Variants in LRRC8D observed in about 807,000 individuals in gnomAD.
LRRC8D encodes the protein leucine rich repeat containing 8 VRAC subunit D, also known as volume-regulated anion channel subunit LRRC8D.
LRRC8D carries 20 observed loss-of-function variants against 55.8 expected under a neutral mutation model. The observed-to-expected ratio is 0.36, with a 90% CI of 0.25 to 0.52. The LOEUF (loss-of-function observed/expected upper bound fraction) is 0.52. Ranked by LOEUF, LRRC8D falls within the 20% of genes least tolerant of loss-of-function variation. LRRC8D has a pLI of 0.93. For missense variants in LRRC8D, 651 were observed against 1,030.8 expected (o/e 0.63, Z 5.05); for synonymous variants, 352 against 377.0 (o/e 0.93, Z 0.77).
chr1:89,895,638 A>G (rs1229988566), intron 2 of LRRC8D, among the ~76,000 whole-genome samples: 3 of 152,222 alleles, frequency 2.0e-5, no homozygotes, highest in East Asian at 3.8e-4. Context: ...CTATTCATAT[A>G]TAATATTTCA....
intron 2 of LRRC8D, among the ~76,000 whole-genome samples, chr1:89,848,023 A>G (rs1039302770): frequency 6.6e-6 from 1 of 152,218 alleles, no homozygotes; most frequent in South Asian, 2.1e-4. Context: ...TGAAAAATGC[A>G]TAATATGTTA....
intron 2 of LRRC8D, among the ~76,000 whole-genome samples, chr1:89,896,570 G>A (rs2100896251): frequency 6.6e-6 from 1 of 152,188 alleles, no homozygotes; most frequent in South Asian, 2.1e-4. Flanking sequence ...CCGAGGGTAG[G>A]GCAAGCTCCT....
At position 89,933,414 on chromosome 1, in the gene LRRC8D, C is replaced by T; in HGVS notation, c.346C>T (p.Pro116Ser). ...TPDIPLRATY[P>S]RTDFALPNQE... The stretch of plus-strand genomic sequence containing the variant: ...TGACATACCTCTCAGAGCCACATAT[C>T]CTCGCACAGATTTCGCACTTCCAAA... Residue 116 changes from proline to serine, a missense_variant, in exon 3 of 3, where the codon CCT (proline) becomes TCT (serine). Coordinates refer to ENST00000337338, the MANE Select transcript of LRRC8D (RefSeq NM_001134479.2). This position sits in a 1 kb window ranked among gnomAD's most constrained non-coding sequence, Gnocchi z 7.0. 2 of 1,614,120 alleles carry T rather than the reference C, an allele frequency of 1.2e-6. No homozygotes were observed. The highest frequency in any genetic ancestry group is 8.5e-7 in the Non-Finnish European group (1 of 1,180,032).
intron 2 of LRRC8D, among the ~76,000 whole-genome samples, chr1:89,931,510 CA>C (rs1663704670): frequency 6.6e-6 from 1 of 152,106 alleles, no homozygotes; most frequent in South Asian, 2.1e-4. Flanking sequence ...CCTGTAATCC[CA>C]GCACTTTGGG....
intron 2 of LRRC8D, among the ~76,000 whole-genome samples, chr1:89,889,158 G>A (rs1295834408): frequency 6.6e-6 from 1 of 152,088 alleles, no homozygotes; most frequent in East Asian, 1.9e-4. Flanking sequence ...GATGAGAATG[G>A]CACTTTACTT....
chr1:89,826,413 C>A (rs952577875), intron 1 of LRRC8D, among the ~76,000 whole-genome samples: 2 of 152,024 alleles, frequency 1.3e-5, no homozygotes, highest in African/African-American at 2.4e-5. Flanking sequence ...TACAGGCACC[C>A]GCCACTGCAC....
At chr1:89,930,076 C>G (rs1026006818) in intron 2 of LRRC8D, among the ~76,000 whole-genome samples, 1 of 152,196 alleles carries the variant, frequency 6.6e-6, no homozygotes, top group South Asian at 2.1e-4. Context: ...CCATCTCTCC[C>G]CCCAACCCCC....
At chr1:89,892,676 G>A (rs181541714) in intron 2 of LRRC8D, among the ~76,000 whole-genome samples, 563 of 152,140 alleles carry the variant, frequency 3.7e-3, no homozygotes, top group Non-Finnish European at 6.9e-3. Flanking sequence ...CCGCCAACAC[G>A]CCCAGCTAAT....
At chr1:89,899,284 G>T (rs544943165) in intron 2 of LRRC8D, among the ~76,000 whole-genome samples, 1 of 152,328 alleles carries the variant, frequency 6.6e-6, no homozygotes, top group African/African-American at 2.4e-5. Flanking sequence ...GTGCCAGAGG[G>T]TCATGGAGGG....
intron 2 of LRRC8D, among the ~76,000 whole-genome samples, chr1:89,844,120 G>T (rs1194278472): frequency 6.6e-6 from 1 of 152,222 alleles, no homozygotes; most frequent in African/African-American, 2.4e-5. Context: ...TCCAGCTGCT[G>T]CTGCCTGAAG....
At chr1:89,859,214 G>A (rs116708988) in intron 2 of LRRC8D, among the ~76,000 whole-genome samples, 2,049 of 151,582 alleles carry the variant, frequency 0.014, 47 homozygotes, top group African/African-American at 0.047. Context: ...TTCGGTAAAT[G>A]TAGGGAGTAA....
Position 89,935,537 on chromosome 1 carries a change from C to T in LRRC8D, c.2469C>T (p.Leu823=). ...LPAQLGQCRM[L]KKSGLVVEDH... ...CCCAGCTGGGCCAGTGTCGGATGCT[C>T]AAGAAAAGCGGGCTTGTTGTGGAAG... is the stretch of plus-strand genomic sequence containing the variant. Residue 823 remains leucine (L), a synonymous_variant, in exon 3 of 3, where the codon CTC becomes CTT. Coordinates refer to ENST00000337338, the MANE Select transcript of LRRC8D (RefSeq NM_001134479.2). 2.5e-6 allele frequency: 4 copies of T among 1,614,194 alleles called. No homozygotes were observed. The highest frequency in any genetic ancestry group is 3.4e-6 in the Non-Finnish European group (4 of 1,180,052).
intron 2 of LRRC8D, among the ~76,000 whole-genome samples, chr1:89,847,302 A>G (rs1468417322): frequency 1.3e-5 from 2 of 152,232 alleles, no homozygotes; most frequent in African/African-American, 4.8e-5. Context: ...GAATATTTGT[A>G]GTGGCCTATA....
chr1:89,834,608 A>G (rs746181744), intron 1 of LRRC8D, among the ~76,000 whole-genome samples: 1 of 152,260 alleles, frequency 6.6e-6, no homozygotes, highest in Admixed American at 6.5e-5. Flanking sequence ...TAAACAGTTT[A>G]GTATAATTCA....
intron 1 of LRRC8D, among the ~76,000 whole-genome samples, chr1:89,837,768 G>A (rs547886617): frequency 1.8e-4 from 28 of 152,264 alleles, no homozygotes; most frequent in African/African-American, 6.0e-4. Flanking sequence ...CAGGTACTCC[G>A]TTTCTCTTTC....
chr1:89,877,187 A>C (rs921862708), intron 2 of LRRC8D, among the ~76,000 whole-genome samples: 7 of 151,856 alleles, frequency 4.6e-5, no homozygotes, highest in African/African-American at 1.7e-4. Flanking sequence ...TCTAGATAGG[A>C]TATATTTTAG....
intron 2 of LRRC8D, among the ~76,000 whole-genome samples, chr1:89,889,740 A>G (rs1048634947): frequency 1.3e-5 from 2 of 151,790 alleles, no homozygotes; most frequent in Non-Finnish European, 2.9e-5. Context: ...AAATTTAGCC[A>G]GCTCTTTTGG....
In LRRC8D at chr1:89,933,311, G is replaced by A; in HGVS notation, c.243G>A (p.Lys81=). 6.2e-7 allele frequency: 1 copy of A among 1,614,110 alleles called. No individual in the cohort carries two copies. Among genetic ancestry groups the A allele is most frequent in the Non-Finnish European group, 8.5e-7 (1 of 1,180,008 alleles). ...CCGAGGTCACCACCAACATCCCAAAGATGGAAGCAGCCACCAACCAAGACC... is the reference window on the plus strand; with the variant it reads ...CCGAGGTCACCACCAACATCCCAAAAATGGAAGCAGCCACCAACCAAGACC... ...GNAEVTTNIP[K]MEAATNQDQD... Residue 81 remains lysine, a synonymous_variant, in exon 3 of 3, where the codon AAG becomes AAA. Transcript: ENST00000337338. This position sits in a 1 kb window ranked among gnomAD's most constrained non-coding sequence, Gnocchi z 7.0.
intron 2 of LRRC8D, among the ~76,000 whole-genome samples, chr1:89,899,890 TA>T (rs1245934787): frequency 6.6e-6 from 1 of 152,226 alleles, no homozygotes; most frequent in Non-Finnish European, 1.5e-5. Context: ...AGGATTCAGC[TA>T]AAGAATATGT....
Sources: allele counts gnomAD v4.1 joint callset (sites outside exome capture counted in the v4.1 genomes callset), GRCh38; gene constraint gnomAD v4.1.1; non-coding constraint Gnocchi (gnomAD v3.1); transcripts MANE v1.5; gene names NCBI Gene and HGNC (gene_info 2026-07-23, HGNC 2026-07-21).